SMAP1: variants seen among roughly 807,000 people sequenced by gnomAD.
SMAP1 encodes stromal membrane-associated protein 1.
SMAP1 carries 24 observed loss-of-function variants against 58.5 expected under a neutral mutation model. The observed-to-expected ratio is 0.41, with a 90% CI of 0.30 to 0.58. The LOEUF (loss-of-function observed/expected upper bound fraction) is 0.58, where lower values mean the gene tolerates loss of function less well. SMAP1 is among the 20% of genes least tolerant of loss of function. SMAP1 has a pLI of 0.29. For synonymous variants in SMAP1, 216 were observed against 196.6 expected, an observed-to-expected ratio of 1.10 and a Z score of -0.82; for missense variants, 563 against 566.3, an observed-to-expected ratio of 0.99 and a Z score of 0.06.
chr6:70,768,876 T>A (rs1285815907), intron 3 of SMAP1, among the ~76,000 whole-genome samples: 1 of 152,186 alleles, frequency 6.6e-6, no homozygotes, highest in African/African-American at 2.4e-5. Flanking sequence ...CTGCTTTCTC[T>A]TGTGGGCATT....
chr6:70,725,511 G>A lies in SMAP1; in HGVS notation c.119-6867G>A, dbSNP rs918275864. 5.3e-5 allele frequency among the ~76,000 whole-genome samples: 8 copies of A among 152,194 alleles called. No individual in the cohort carries two copies. In the South Asian group the frequency reaches 8.3e-4, roughly 16 times the overall value. On this transcript the variant is annotated intron_variant, in intron 1 of 10. Transcript: ENST00000370455. ...GTGAAGGGCTAGTCAGTGCTCTTGC[G>A]TAAAGAACAAAGGGCCTGTGGTATG...
intron 6 of SMAP1, among the ~76,000 whole-genome samples, chr6:70,806,353 G>A (rs1168904463): frequency 6.6e-6 from 1 of 152,234 alleles, no homozygotes; most frequent in East Asian, 1.9e-4. Context: ...CGGTTGCTAA[G>A]ACCTTGGGGA....
chr6:70,812,327 T>C (rs572508244), intron 6 of SMAP1, among the ~76,000 whole-genome samples: 65 of 152,320 alleles, frequency 4.3e-4, no homozygotes, highest in African/African-American at 1.5e-3. Flanking sequence ...AAAGTCAGAT[T>C]TATCTTTCAA....
chr6:70,758,732 G>T (rs1370512900), intron 3 of SMAP1, among the ~76,000 whole-genome samples: 3 of 152,016 alleles, frequency 2.0e-5, no homozygotes, highest in Non-Finnish European at 4.4e-5. Flanking sequence ...GGATTAAATT[G>T]GAGAGATTGG....
At chr6:70,756,303 T>C (rs1454926664) in intron 3 of SMAP1, among the ~76,000 whole-genome samples, 2 of 152,096 alleles carry the variant, frequency 1.3e-5, no homozygotes, top group African/African-American at 4.8e-5. Context: ...GAAATATCTT[T>C]TCTCACACAG....
rs531373068 is a variant in SMAP1, at chr6:70,806,386, T to A, written c.576+7649T>A. Among the ~76,000 whole-genome samples the A allele has an allele frequency of 1.1e-4, 16 of 152,010 alleles. No individual in the cohort carries two copies. In the East Asian group the frequency reaches 3.1e-3, roughly 30 times the overall value. On this transcript the variant is annotated intron_variant, in intron 6 of 10. Coordinates refer to ENST00000370455, the MANE Select transcript of SMAP1 (RefSeq NM_001044305.3). ...GGAAAATACAGTATTTAGGCAGGAG[T>A]GTCCCGTTTTTCCAGGTAGTCTGTC...
chr6:70,818,169 G>A (rs775367452), intron 6 of SMAP1, among the ~76,000 whole-genome samples: 3 of 151,592 alleles, frequency 2.0e-5, no homozygotes, highest in South Asian at 2.1e-4. Flanking sequence ...TGAGGCGGGC[G>A]GATTACCTGA....
intron 1 of SMAP1, among the ~76,000 whole-genome samples, chr6:70,725,093 GTTTTTTTTTTTTTTTTTTTTTTT>G (rs745587315): frequency 1.3e-3 from 62 of 47,820 alleles, no homozygotes; most frequent in African/African-American, 2.3e-3. Context: ...ATTAACCAGT[GTTTTTTTTTTTTTTTTTTTTTTT>G]TTTTTTTTTT....
intron 5 of SMAP1, among the ~76,000 whole-genome samples, chr6:70,794,617 T>C (rs1768516607): frequency 1.3e-5 from 2 of 152,066 alleles, no homozygotes; most frequent in South Asian, 4.2e-4. Flanking sequence ...GTGATATCAT[T>C]GTTCAGTTCC....
At position 70,858,152 on chromosome 6, in the gene SMAP1, A is replaced by G. The variant is rs1448817510; in HGVS notation, c.1192A>G (p.Met398Val). 6.2e-7 allele frequency: 1 copy of G among 1,613,954 alleles called. No individual in the cohort carries two copies. The highest frequency in any genetic ancestry group is 1.3e-5 in the African/African-American group (1 of 74,904). The change falls in exon 10 of 11, where the codon ATG becomes GTG. Residue 398 changes from methionine (M) to valine (V), a missense_variant. This residue lies in a region of SMAP1 where 494 missense variants were observed against 473.8 expected (regional missense o/e 1.04). Coordinates refer to ENST00000370455, the MANE Select transcript of SMAP1 (RefSeq NM_001044305.3). ...PQNVVGPQGG[M>V]VGQMGAPQSK... The stretch of plus-strand genomic sequence containing the variant: ...GAACGTTGTTGGCCCCCAAGGAGGA[A>G]TGGTGGGACAAATGGGTGCACCCCA...
intron 1 of SMAP1, among the ~76,000 whole-genome samples, chr6:70,731,736 C>T (rs750002384): frequency 6.6e-6 from 1 of 152,182 alleles, no homozygotes; most frequent in Non-Finnish European, 1.5e-5. Context: ...TGATGCAACG[C>T]TTTTTGAAGC....
At chr6:70,745,035 G>A (rs1232832336) in intron 2 of SMAP1, among the ~76,000 whole-genome samples, 4 of 152,062 alleles carry the variant, frequency 2.6e-5, no homozygotes, top group Non-Finnish European at 5.9e-5. Flanking sequence ...TTTTTTCCTT[G>A]TAAATTTGTT....
At chr6:70,754,898 GTATA>G in intron 2 of SMAP1, 78 bp from the exon 3 acceptor site, 1 of 683,638 alleles carries the variant, frequency 1.5e-6, no homozygotes, top group Non-Finnish European at 2.5e-6. Flanking sequence ...TGGTATTTGT[GTATA>G]TGTATGTATG....
intron 3 of SMAP1, among the ~76,000 whole-genome samples, chr6:70,772,506 C>T (rs1024097421): frequency 6.6e-6 from 1 of 152,080 alleles, no homozygotes; most frequent in South Asian, 2.1e-4. Flanking sequence ...CAGGCTTTAC[C>T]TGAGTACCAG....
intron 3 of SMAP1, among the ~76,000 whole-genome samples, chr6:70,757,535 A>C (rs1766548037): frequency 6.6e-6 from 1 of 151,716 alleles, no homozygotes; most frequent in Non-Finnish European, 1.5e-5. Flanking sequence ...TAATTAAACT[A>C]AAGAGCTTCT....
At chr6:70,743,051 A>G (rs897578141) in intron 2 of SMAP1, among the ~76,000 whole-genome samples, 4 of 152,240 alleles carry the variant, frequency 2.6e-5, no homozygotes, top group Admixed American at 6.5e-5. Context: ...GAACCAAACC[A>G]TATCAGACTG....
chr6:70,823,182 G>A (rs1427554743), intron 6 of SMAP1, among the ~76,000 whole-genome samples: 1 of 152,126 alleles, frequency 6.6e-6, no homozygotes, highest in Non-Finnish European at 1.5e-5. Context: ...CTTTTAGTAT[G>A]TTTGTAATGT....
chr6:70,774,890 G>A (rs1185177474), intron 4 of SMAP1, among the ~76,000 whole-genome samples: 2 of 151,976 alleles, frequency 1.3e-5, no homozygotes, highest in Non-Finnish European at 2.9e-5. Context: ...GTGCATGCCT[G>A]TAATCCCAGC....
At chr6:70,701,962 T>TA (rs1218207936) in intron 1 of SMAP1, among the ~76,000 whole-genome samples, 1 of 152,204 alleles carries the variant, frequency 6.6e-6, no homozygotes, top group Non-Finnish European at 1.5e-5. Context: ...TTATTTCACC[T>TA]TTGTTTTCAA....
Sources: gnomAD v4.1 joint callset for allele counts (sites outside exome capture counted in the v4.1 genomes callset) on GRCh38, gnomAD v4.1.1 for gene constraint, gnomAD v4.1.1 regional missense constraint, MANE v1.5 for transcripts, NCBI Gene and HGNC (gene_info 2026-07-23, HGNC 2026-07-21) for gene names.